Variants in MCPH1 observed in about 807,000 individuals in gnomAD.
The protein encoded by MCPH1 is microcephalin 1, also known as microcephalin.
In MCPH1, 104 loss-of-function variants were observed where a neutral mutation model predicts 84.5. The observed-to-expected ratio is 1.23, with a 90% CI of 1.05 to 1.45. MCPH1 has a LOEUF of 1.45. Among genes scored for constraint, MCPH1 ranks in the 40% most tolerant of loss-of-function variants. MCPH1 has a pLI of 0.00. For synonymous variants in MCPH1, 514 were observed against 366.8 expected (o/e 1.40, Z -4.58); for missense variants, 1,498 against 1,005.7 (o/e 1.49, Z -6.62).
rs374931548 is a variant in MCPH1 at position 6,601,601 on chromosome 8, C to G, written c.2215-19853C>G. Among the ~76,000 whole-genome samples the G allele has an allele frequency of 3.4e-5, 5 of 148,698 alleles. No homozygotes were observed. In the East Asian group the frequency reaches 5.9e-4, roughly 18 times the overall value. On this transcript the variant is annotated intron_variant, in intron 12 of 13. Transcript: ENST00000344683. The stretch of plus-strand genomic sequence containing the variant: ...ATCATACATGCCCACCAGAAATACA[C>G]ACACCATACACACCACCCACCCACA...
At chr8:6,633,829 A>C (rs1797339880) in intron 13 of MCPH1, among the ~76,000 whole-genome samples, 1 of 152,226 alleles carries the variant, frequency 6.6e-6, no homozygotes, top group Non-Finnish European at 1.5e-5. Flanking sequence ...GTCATGTAAA[A>C]ATATTACTGA....
In MCPH1 at chr8:6,445,046, T is replaced by G; in HGVS notation, c.1324T>G (p.Leu442Val). The change falls in exon 8 of 14, where the codon TTG becomes GTG. Residue 442 changes from leucine to valine, a missense_variant. Transcript: ENST00000344683. The stretch of plus-strand genomic sequence containing the variant: ...TCAGCTGCCATCAAGCCCTGCTCAG[T>G]TGAGCTGCAGAAGTCTTTCTAAGAA... ...ESQLPSSPAQ[L>V]SCRSLSKKER... is the part of the protein sequence containing the mutation. 11 of 1,614,194 alleles carry G rather than the reference T, an allele frequency of 6.8e-6. No homozygotes were observed. The highest frequency in any genetic ancestry group is 9.3e-6 in the Non-Finnish European group (11 of 1,180,004).
At chr8:6,500,576 G>A (rs540238464) in intron 12 of MCPH1, 1 of 153,426 alleles carries the variant, frequency 6.5e-6, no homozygotes, top group Admixed American at 6.5e-5. Context: ...AGCTGTTTGA[G>A]TAGGCCATAT....
chr8:6,486,613 A>T (rs999442503), intron 11 of MCPH1, among the ~76,000 whole-genome samples: 3 of 152,156 alleles, frequency 2.0e-5, no homozygotes, highest in African/African-American at 7.2e-5. Flanking sequence ...CAATTTTTCC[A>T]TGTTTACAGC....
At chr8:6,460,219 T>G (rs1806128415) in intron 9 of MCPH1, among the ~76,000 whole-genome samples, 1 of 152,110 alleles carries the variant, frequency 6.6e-6, no homozygotes. Context: ...ATGATTTTCC[T>G]CTATTTCTTT....
chr8:6,626,842 T>A (rs1052481076), intron 13 of MCPH1: 1 of 985,096 alleles, frequency 1.0e-6, no homozygotes, highest in Non-Finnish European at 1.2e-6. Context: ...CTGCTGCTGT[T>A]ATCACGAAAG....
chr8:6,642,478 G>C (rs1024154072), intron 13 of MCPH1, among the ~76,000 whole-genome samples: 1 of 152,184 alleles, frequency 6.6e-6, no homozygotes, highest in Non-Finnish European at 1.5e-5. Flanking sequence ...GAGCTATGAA[G>C]AACAGAGTTT....
intron 11 of MCPH1, chr8:6,494,113 A>G (rs1810972938): frequency 6.6e-6 from 1 of 151,684 alleles, no homozygotes; most frequent in South Asian, 2.1e-4. Flanking sequence ...GCTAATTTTT[A>G]TTTTTTGTAG....
chr8:6,608,990 C>G (rs1830015651), intron 12 of MCPH1, among the ~76,000 whole-genome samples: 2 of 152,156 alleles, frequency 1.3e-5, no homozygotes, highest in Non-Finnish European at 2.9e-5. Flanking sequence ...AGCATGAAGA[C>G]CCACAGAATA....
intron 12 of MCPH1, among the ~76,000 whole-genome samples, chr8:6,595,681 A>C (rs972666275): frequency 2.0e-5 from 3 of 152,036 alleles, no homozygotes; most frequent in African/African-American, 7.2e-5. Context: ...CTGTCCAACA[A>C]GGTCTTCAGA....
chr8:6,634,528 A>T (rs564608340), intron 13 of MCPH1, among the ~76,000 whole-genome samples: 2 of 152,368 alleles, frequency 1.3e-5, no homozygotes, highest in South Asian at 4.1e-4. Flanking sequence ...AGGCACGCAT[A>T]AGTGTAAACC....
chr8:6,414,897 C>G lies in MCPH1; in HGVS notation c.233+14C>G. Reference sequence around the variant, plus strand: ...CTGGGTGGAAAAGTAAGCAGTTTCTCTCTTACTTTTTTTCCTTAAGTATCT... The same window carrying G: ...CTGGGTGGAAAAGTAAGCAGTTTCTGTCTTACTTTTTTTCCTTAAGTATCT... On this transcript the variant is annotated intron_variant, in intron 3 of 13. Transcript: ENST00000344683. 2 of 1,612,388 alleles carry G rather than the reference C, an allele frequency of 1.2e-6. No individual in the cohort carries two copies. Among genetic ancestry groups the G allele is most frequent in the Non-Finnish European group, 8.5e-7 (1 of 1,179,110 alleles).
intron 12 of MCPH1, chr8:6,527,808 T>A (rs892589883): frequency 1.1e-6 from 1 of 869,996 alleles, no homozygotes; most frequent in Non-Finnish European, 1.7e-6. Flanking sequence ...AAGTATCTTA[T>A]TTTGGCATAT....
chr8:6,476,130 G>C (rs1415550801), intron 9 of MCPH1, among the ~76,000 whole-genome samples: 1 of 152,048 alleles, frequency 6.6e-6, no homozygotes, highest in Non-Finnish European at 1.5e-5. Flanking sequence ...TTTGTAAGCT[G>C]TAATTCTAAA....
rs560335291 is a variant in MCPH1, at chr8:6,445,010, C to T, written c.1288C>T (p.Pro430Ser). ...NLKERYSENL[P>S]PESQLPSSPA... is the part of the protein sequence containing the mutation. ...TAAGGAAAGGTATTCAGAGAATCTT[C>T]CTCCTGAATCTCAGCTGCCATCAAG... Residue 430 changes from proline (P) to serine (S), a missense_variant, in exon 8 of 14, where the codon CCT becomes TCT. Physicochemically the swap from Pro to Ser is moderately conservative, Grantham distance 74 (BLOSUM62 -1). Transcript: ENST00000344683. 2 of 1,614,192 alleles carry T rather than the reference C, an allele frequency of 1.2e-6. No homozygotes were observed. Among genetic ancestry groups the T allele is most frequent in the African/African-American group, 1.3e-5 (1 of 75,038 alleles).
At chr8:6,428,410 G>GGTT (rs377402857) in intron 3 of MCPH1, among the ~76,000 whole-genome samples, 115 of 152,244 alleles carry the variant, frequency 7.6e-4, no homozygotes, top group African/African-American at 2.7e-3. Context: ...TTGACCAAAA[G>GGTT]GTTGTTATGC....
intron 5 of MCPH1, among the ~76,000 whole-genome samples, chr8:6,436,627 AT>A (rs575914072): frequency 3.0e-4 from 45 of 151,434 alleles, no homozygotes; most frequent in South Asian, 1.9e-3. Flanking sequence ...TTAGAAAAAA[AT>A]ATATGTATTC....
At chr8:6,485,844 ACGCAATGGTAAC>A (rs1481277272) in intron 11 of MCPH1, among the ~76,000 whole-genome samples, 6 of 152,236 alleles carry the variant, frequency 3.9e-5, no homozygotes, top group South Asian at 2.1e-4. Flanking sequence ...TACAAGGTAA[ACGCAATGGTAAC>A]CGCAATGGTA....
rs561425029 is a variant in MCPH1 at position 6,533,011 on chromosome 8, G to A, written c.2214+33082G>A. Among the ~76,000 whole-genome samples, 352 of 152,262 alleles carry A rather than the reference G, an allele frequency of 2.3e-3. 1 individual carries two copies. The highest frequency in any genetic ancestry group is 4.0e-3 in the Non-Finnish European group (269 of 68,024). On this transcript the variant is annotated intron_variant, in intron 12 of 13. Coordinates refer to ENST00000344683, the MANE Select transcript of MCPH1 (RefSeq NM_024596.5). The stretch of plus-strand genomic sequence containing the variant: ...CCTTTTGATTTTCCTTTTAACCTAC[G>A]GAATCACCACTCAGTTCCACATTCT...
Sources: gnomAD v4.1 joint callset for allele counts (sites outside exome capture counted in the v4.1 genomes callset) on GRCh38, gnomAD v4.1.1 for gene constraint, MANE v1.5 for transcripts, NCBI Gene and HGNC (gene_info 2026-07-23, HGNC 2026-07-21) for gene names.